The following TTBK1 variants were observed in gnomAD, a reference collection of about 807,000 sequenced individuals.
The protein encoded by TTBK1 is tau-tubulin kinase 1.
A neutral mutation model predicts 108.5 loss-of-function variants in TTBK1; 34 were observed. The ratio of observed to expected loss-of-function variants is 0.31; its 90% confidence interval spans 0.24 to 0.42. TTBK1 has a LOEUF of 0.42. Ranked by LOEUF, TTBK1 falls within the 10% of genes least tolerant of loss-of-function variation. TTBK1 has a pLI of 1.00. For synonymous variants in TTBK1, 809 were observed against 795.1 expected, an observed-to-expected ratio of 1.02 and a Z score of -0.29; for missense variants, 1,539 against 1,826.0, an observed-to-expected ratio of 0.84 and a Z score of 2.86.
intron 13 of TTBK1, among the ~76,000 whole-genome samples, chr6:43,278,061 T>G (rs1194783774): frequency 6.6e-6 from 1 of 152,150 alleles, no homozygotes; most frequent in Non-Finnish European, 1.5e-5. Context: ...CGGGGTGCAG[T>G]GCCTGAAGTC....
At chr6:43,261,968 TGAGA>T (rs1247977881) in intron 12 of TTBK1, among the ~76,000 whole-genome samples, 1 of 151,952 alleles carries the variant, frequency 6.6e-6, no homozygotes, top group African/African-American at 2.4e-5. Flanking sequence ...CACCCTGTGA[TGAGA>T]GAGAGATAGA....
rs376495531 is a variant in TTBK1 at position 43,283,281 on chromosome 6, G to T, written c.2541G>T (p.Ser847=). ...TCTCTCCTGGCGACATGAAGAAGTC[G>T]CCCGTCACTGCCGAACTGGCCCCCG... ...VLVSPGDMKK[S]PVTAELAPDP... Residue 847 remains serine (S), a synonymous_variant, in exon 14 of 15, where the codon TCG becomes TCT. Coordinates refer to ENST00000259750, the MANE Select transcript of TTBK1 (RefSeq NM_032538.3). This position sits in a 1 kb window ranked among gnomAD's most constrained non-coding sequence, Gnocchi z 8.1. The T allele has an allele frequency of 8.3e-6, 13 of 1,563,048 alleles. No homozygotes were observed. The African/African-American group carries it at 1.6e-4, about 20-fold the overall frequency.
In TTBK1 at chr6:43,243,517, C is replaced by T. The variant is rs1350750507; in HGVS notation, c.-246C>T. Among the ~76,000 whole-genome samples the T allele has an allele frequency of 6.6e-6, 1 of 151,996 alleles. No individual in the cohort carries two copies. Among genetic ancestry groups the T allele is most frequent in the Non-Finnish European group, 1.5e-5 (1 of 67,928 alleles). On this transcript the variant is annotated 5_prime_UTR_variant, in exon 1 of 15. Coordinates refer to ENST00000259750, the MANE Select transcript of TTBK1 (RefSeq NM_032538.3). This position sits in a 1 kb window ranked among gnomAD's most constrained non-coding sequence, Gnocchi z 5.5. ...CTCCCCGCTCTGCCGCTGCCGCCGC[C>T]GTCGCCCAAGGAGGATCGGGGCCGG...
At chr6:43,255,439 T>C in intron 7 of TTBK1, 113 bp from the exon 8 acceptor site, 1 of 993,420 alleles carries the variant, frequency 1.0e-6, no homozygotes, top group Non-Finnish European at 1.5e-6. Flanking sequence ...AGTTCTGTCC[T>C]TAGGGGCCTG....
intron 12 of TTBK1, among the ~76,000 whole-genome samples, chr6:43,261,944 A>G (rs1442670573): frequency 2.6e-5 from 4 of 152,098 alleles, no homozygotes; most frequent in African/African-American, 9.7e-5. Context: ...AGATTATGTG[A>G]CAGACATGAG....
chr6:43,253,954 G>A lies in TTBK1; in HGVS notation c.471+246G>A, dbSNP rs1448398286. Among the ~76,000 whole-genome samples the A allele has an allele frequency of 2.0e-5, 3 of 152,142 alleles. No individual in the cohort carries two copies. The highest frequency in any genetic ancestry group is 3.9e-4 in the East Asian group (2 of 5,184). On this transcript the variant is annotated intron_variant, in intron 5 of 14. Coordinates refer to ENST00000259750, the MANE Select transcript of TTBK1 (RefSeq NM_032538.3). This position sits in a 1 kb window ranked among gnomAD's most constrained non-coding sequence, Gnocchi z 5.8. ...GGCCTCTCCTCTGTTCTTCCCTTCT[G>A]TTCCTTATCCCTTGCCCCTGACCTG... is the stretch of plus-strand genomic sequence containing the variant.
rs923416336 is a variant in TTBK1 at position 43,259,267 on chromosome 6, A to G, written c.1246A>G (p.Lys416Glu). Residue 416 changes from lysine to glutamate, a missense_variant and splice_region_variant, in exon 11 of 15, where the codon AAA (lysine) becomes GAA (glutamate). Physicochemically the swap from Lys to Glu is moderately conservative, Grantham distance 56. Around this residue, in one of 5 missense-constraint regions of TTBK1, gnomAD observed 277 missense variants for 332.4 expected, o/e 0.83. Coordinates refer to ENST00000259750, the MANE Select transcript of TTBK1 (RefSeq NM_032538.3). This position sits in a 1 kb window ranked among gnomAD's most constrained non-coding sequence, Gnocchi z 6.7. ...NRNKLRINIGKSPCVEEEQSR... is the reference protein window; with the variant it reads ...NRNKLRINIGESPCVEEEQSR... ...GAACAAACTCCGGATCAACATCGGC[A>G]AAGTAACTGCCGCCAGGGCGAAGGG... 28 of 1,546,028 alleles carry G rather than the reference A, an allele frequency of 1.8e-5. No homozygotes were observed. Among genetic ancestry groups the G allele is most frequent in the Non-Finnish European group, 2.4e-5 (28 of 1,147,386 alleles).
At position 43,283,892 on chromosome 6, in the gene TTBK1, G is replaced by T; in HGVS notation, c.3152G>T (p.Arg1051Leu). The T allele has an allele frequency of 6.2e-7, 1 of 1,611,658 alleles. No individual in the cohort carries two copies. Among genetic ancestry groups the T allele is most frequent in the Non-Finnish European group, 8.5e-7 (1 of 1,178,440 alleles). The part of the protein sequence containing the change: ...SPRRHAMPGS[R>L]PRSRIPVLLS... ...AGACGCCATGCTATGCCAGGCTCTC[G>T]CCCCAGGAGCCGTATCCCTGTCCTG... The change falls in exon 14 of 15, where the codon CGC (arginine) becomes CTC (leucine). Residue 1051 changes from arginine to leucine, a missense_variant. By Grantham distance (102) the Arg-to-Leu change is moderately radical. This residue lies in a region of TTBK1 where 1,055 missense variants were observed against 1,086.5 expected (regional missense o/e 0.97). Coordinates refer to ENST00000259750, the MANE Select transcript of TTBK1 (RefSeq NM_032538.3). The surrounding 1 kb of genome is among the most constrained non-coding windows in gnomAD (Gnocchi z 8.1).
Position 43,269,783 on chromosome 6 carries a change from C to T in TTBK1, c.1986+6433C>T, listed in dbSNP as rs1303995753. 3 of 1,577,748 alleles carry T rather than the reference C, an allele frequency of 1.9e-6. No individual in the cohort carries two copies. Among genetic ancestry groups the T allele is most frequent in the Admixed American group, 1.8e-5 (1 of 56,162 alleles). On this transcript the variant is annotated intron_variant, in intron 13 of 14. Transcript: ENST00000259750. The surrounding 1 kb of genome is among the most constrained non-coding windows in gnomAD (Gnocchi z 4.8). ...GCGGCGGCGGCTCCTCGGGCTCCTCCGGTTCCCTCATTCAGCGCAGCCGCT... is the reference window on the plus strand; with the variant it reads ...GCGGCGGCGGCTCCTCGGGCTCCTCTGGTTCCCTCATTCAGCGCAGCCGCT...
rs1264507055 is a variant in TTBK1, at chr6:43,269,800, G to A, written c.1986+6450G>A. 6.4e-7 allele frequency: 1 copy of A among 1,554,750 alleles called. No homozygotes were observed. On this transcript the variant is annotated intron_variant, in intron 13 of 14. Coordinates refer to ENST00000259750, the MANE Select transcript of TTBK1 (RefSeq NM_032538.3). This position sits in a 1 kb window ranked among gnomAD's most constrained non-coding sequence, Gnocchi z 4.8. ...GGCTCCTCCGGTTCCCTCATTCAGCGCAGCCGCTCGGCTGAGAGCAGCCCT... is the reference window on the plus strand; with the variant it reads ...GGCTCCTCCGGTTCCCTCATTCAGCACAGCCGCTCGGCTGAGAGCAGCCCT...
intron 9 of TTBK1, among the ~76,000 whole-genome samples, chr6:43,256,525 G>A (rs184976993): frequency 1.3e-3 from 198 of 152,166 alleles, no homozygotes; most frequent in African/African-American, 4.6e-3. Flanking sequence ...GATCACTTGA[G>A]GTCAGGAGTT....
Position 43,247,412 on chromosome 6 carries a change from G to A in TTBK1, c.108+644G>A, listed in dbSNP as rs568581786. ...TCGGAGCGGGGGCGTGAGGGCTGGG[G>A]GAATGATAGTATTTGGGGAGCGAGA... On this transcript the variant is annotated intron_variant, in intron 2 of 14. Coordinates refer to ENST00000259750, the MANE Select transcript of TTBK1 (RefSeq NM_032538.3). Among the ~76,000 whole-genome samples the A allele has an allele frequency of 2.7e-3, 407 of 152,314 alleles. 4 individuals carry two copies. Among genetic ancestry groups the A allele is most frequent in the Non-Finnish European group, 2.5e-3 (168 of 68,028 alleles).
In TTBK1 at chr6:43,283,008, G is replaced by GGAGGAGGAA. The variant is rs1562100311; in HGVS notation, c.2270_2271insGGAGGAAGA (p.Glu769_Glu771dup). On this transcript the variant is annotated inframe_insertion, in exon 14 of 15. Transcript: ENST00000259750. This position sits in a 1 kb window ranked among gnomAD's most constrained non-coding sequence, Gnocchi z 8.1. ...ATGAGGAAGAAGAAGAGGAGGAAGA[G>GGAGGAGGAA]GAAGAGGAGGAGGAAGAAGAGGAGG... is the stretch of plus-strand genomic sequence containing the variant. 3.8e-6 allele frequency: 6 copies of GGAGGAGGAA among 1,596,486 alleles called. No homozygotes were observed. The African/African-American group carries it at 8.1e-5, about 21-fold the overall frequency.
At chr6:43,274,670 T>C (rs146078213) in intron 13 of TTBK1, among the ~76,000 whole-genome samples, 101 of 146,326 alleles carry the variant, frequency 6.9e-4, no homozygotes, top group Admixed American at 1.5e-3. Context: ...CACTTAGACC[T>C]GGGACACACT....
chr6:43,252,182 C>G (rs957311250), intron 2 of TTBK1, among the ~76,000 whole-genome samples: 3 of 140,014 alleles, frequency 2.1e-5, no homozygotes, highest in South Asian at 2.4e-4. Context: ...ACATCTGGCT[C>G]TGTGTGTGTG....
chr6:43,285,106 C>T lies in TTBK1; in HGVS notation c.3696C>T (p.Ser1232=), dbSNP rs375147695. The T allele has an allele frequency of 1.9e-5, 28 of 1,471,334 alleles. No homozygotes were observed. Among genetic ancestry groups the T allele is most frequent in the East Asian group, 5.9e-5 (2 of 33,800 alleles). The allele number at this position is 1,471,334 out of a possible 1,614,324, so 91.1% of individuals were successfully genotyped here. ...GAGCCAGGCCCCCAGCGCCGCGCAG[C>T]CCGCGCCTCCCCGCGTCCACATCCG... ...QAGARPPAPR[S]PRLPASTSAA... is the part of the protein sequence containing the mutation. Residue 1232 remains serine, a synonymous_variant, in exon 15 of 15, where the codon AGC becomes AGT. Transcript: ENST00000259750. This position sits in a 1 kb window ranked among gnomAD's most constrained non-coding sequence, Gnocchi z 4.7.
intron 1 of TTBK1, among the ~76,000 whole-genome samples, chr6:43,244,161 C>G (rs1033519028): frequency 1.3e-5 from 2 of 152,070 alleles, no homozygotes; most frequent in African/African-American, 4.8e-5. Context: ...TTATCTCTCA[C>G]GGGTCTCTAT....
rs908485783 is a variant in TTBK1, at chr6:43,287,290, C to T, written c.*1914C>T. The T allele has an allele frequency of 2.0e-5, 3 of 152,594 alleles. No individual in the cohort carries two copies. The highest frequency in any genetic ancestry group is 2.4e-5 in the African/African-American group (1 of 41,400). 9.5% of individuals were successfully genotyped at this position (152,594 alleles called of 1,614,324 possible). A position where few individuals can be genotyped will look rare whatever the true frequency, so the allele number is the denominator to read the frequency against. Reference sequence around the variant, plus strand: ...CACTGCCTCCCACCTAGAGCTTCTCCGAATGACAATCAGCTCGTGCCAGGT... The same window carrying T: ...CACTGCCTCCCACCTAGAGCTTCTCTGAATGACAATCAGCTCGTGCCAGGT... On this transcript the variant is annotated 3_prime_UTR_variant, in exon 15 of 15. Coordinates refer to ENST00000259750, the MANE Select transcript of TTBK1 (RefSeq NM_032538.3). This position sits in a 1 kb window ranked among gnomAD's most constrained non-coding sequence, Gnocchi z 4.1.
In TTBK1 at chr6:43,255,821, G is replaced by A; in HGVS notation, c.826G>A (p.Ala276Thr). 6.2e-7 allele frequency: 1 copy of A among 1,614,120 alleles called. No individual in the cohort carries two copies. Among genetic ancestry groups the A allele is most frequent in the Middle Eastern group, 1.6e-4 (1 of 6,062 alleles). ...SEFHLFLDHI[A>T]SLDYFTKPDY... ...GTTCCACCTCTTCCTGGACCACATT[G>A]CCAGCCTCGACTACTTCACCAAGCC... is the stretch of plus-strand genomic sequence containing the variant. Residue 276 changes from alanine (A) to threonine (T), a missense_variant, in exon 9 of 15, where the codon GCC (alanine) becomes ACC (threonine). Around this residue, in one of 5 missense-constraint regions of TTBK1, gnomAD observed 155 missense variants for 348.5 expected, o/e 0.44. Coordinates refer to ENST00000259750, the MANE Select transcript of TTBK1 (RefSeq NM_032538.3).
Sources: gnomAD v4.1 joint callset for allele counts (sites outside exome capture counted in the v4.1 genomes callset) on GRCh38, gnomAD v4.1.1 for gene constraint, gnomAD v4.1.1 regional missense constraint, Gnocchi (gnomAD v3.1) non-coding constraint, MANE v1.5 for transcripts, NCBI Gene and HGNC (gene_info 2026-07-23, HGNC 2026-07-21) for gene names.